The following CFAP74 variants were observed in gnomAD, a reference collection of about 807,000 sequenced individuals.
CFAP74 encodes the protein cilia and flagella associated protein 74.
A neutral mutation model predicts 188.9 loss-of-function variants in CFAP74; 124 were observed. The observed-to-expected ratio is 0.66, with a 90% CI of 0.57 to 0.76. The LOEUF (loss-of-function observed/expected upper bound fraction) is 0.76, where lower values mean the gene tolerates loss of function less well. Ranked by LOEUF, CFAP74 falls within the 30% of genes least tolerant of loss-of-function variation. The pLI, the probability that CFAP74 is intolerant of heterozygous loss-of-function variation, is 0.00. For synonymous variants in CFAP74, 956 were observed against 916.7 expected (o/e 1.04, Z -0.77); for missense variants, 2,198 against 2,165.2 (o/e 1.02, Z -0.30).
intron 25 of CFAP74, among the ~76,000 whole-genome samples, chr1:1,938,022 TCA>T (rs201067387): frequency 2.7e-5 from 4 of 150,708 alleles, no homozygotes; most frequent in South Asian, 2.1e-4. Context: ...GCACTCACAT[TCA>T]GTCACATGCT....
Position 1,968,870 on chromosome 1 carries a change from C to T in CFAP74, c.1047-37G>A. ...CGCTTCTCAGATGAGTGCAAGAGGTCCCCTGCCTCCACCTTGCCCCAGATG... is the reference window on the plus strand; with the variant it reads ...CGCTTCTCAGATGAGTGCAAGAGGTTCCCTGCCTCCACCTTGCCCCAGATG... On this transcript the variant is annotated intron_variant, in intron 10 of 38. Transcript: ENST00000682832. The surrounding 1 kb of genome is among the most constrained non-coding windows in gnomAD (Gnocchi z 4.3). 1 of 1,599,048 alleles carries T rather than the reference C, an allele frequency of 6.3e-7. No homozygotes were observed. The highest frequency in any genetic ancestry group is 8.5e-7 in the Non-Finnish European group (1 of 1,169,644).
rs549528262 is a variant in CFAP74, at chr1:1,971,776, C to T, written c.888+204G>A. Among the ~76,000 whole-genome samples the T allele has an allele frequency of 1.4e-3, 211 of 152,400 alleles. 1 individual carries two copies. The highest frequency in any genetic ancestry group is 2.5e-3 in the Non-Finnish European group (168 of 68,042). ...GCAGGGCTGGGGTGCCTGCTCCTGC[C>T]TGACTCCAGTGCCTGGCCCTGACCC... is the stretch of plus-strand genomic sequence containing the variant. On this transcript the variant is annotated intron_variant, in intron 9 of 38. Transcript: ENST00000682832.
chr1:1,927,347 G>A (rs979814214), intron 28 of CFAP74: 7 of 562,024 alleles, frequency 1.2e-5, no homozygotes, highest in Admixed American at 6.5e-5. Context: ...TTCTGCACCC[G>A]GGGGGCTGGG....
chr1:1,971,231 CTGCACACACA>C (rs1021475291), intron 9 of CFAP74, among the ~76,000 whole-genome samples: 2 of 149,930 alleles, frequency 1.3e-5, no homozygotes, highest in African/African-American at 2.5e-5. Context: ...GCGTGCACGC[CTGCACACACA>C]TGCACACACT....
intron 17 of CFAP74, 52 bp downstream of exon 17, chr1:1,956,568 G>T: frequency 6.2e-7 from 1 of 1,608,122 alleles, no homozygotes; most frequent in Non-Finnish European, 8.5e-7. Context: ...ACATGGGACT[G>T]GATTTGGGGG....
intron 21 of CFAP74, among the ~76,000 whole-genome samples, chr1:1,943,904 C>A (rs1653561176): frequency 6.6e-6 from 1 of 152,224 alleles, no homozygotes; most frequent in South Asian, 2.1e-4. Context: ...CTAGAAGCTG[C>A]AGTGTCCCCG....
intron 6 of CFAP74, among the ~76,000 whole-genome samples, chr1:1,980,611 T>C (rs1042585246): frequency 6.6e-6 from 1 of 152,210 alleles, no homozygotes; most frequent in African/African-American, 2.4e-5. Flanking sequence ...TGGGACCTGC[T>C]GGCCAGGAAA....
intron 25 of CFAP74, among the ~76,000 whole-genome samples, chr1:1,934,666 C>G (rs3121832): frequency 0.034 from 1,297 of 38,198 alleles, 194 homozygotes; most frequent in East Asian, 0.049. Context: ...TAGGTACACA[C>G]GTGTGTACGT....
chr1:1,981,343 G>A (rs1007369615), intron 6 of CFAP74, among the ~76,000 whole-genome samples: 1 of 152,152 alleles, frequency 6.6e-6, no homozygotes, highest in Non-Finnish European at 1.5e-5. Context: ...TGCCTCCAAC[G>A]GGACCCAGCG....
At chr1:1,987,910 A>G (rs1044070533) in intron 4 of CFAP74, 2 of 335,996 alleles carry the variant, frequency 6.0e-6, no homozygotes, top group Non-Finnish European at 1.2e-5. Context: ...CCCCGGGTGA[A>G]GTACCCAAGT....
At chr1:1,988,150 T>G (rs1480099725) in intron 4 of CFAP74, 1 of 487,954 alleles carries the variant, frequency 2.0e-6, no homozygotes, top group African/African-American at 2.0e-5. Context: ...TATTTAGGAG[T>G]GACGTATCAT....
chr1:1,960,576 G>C (rs1309697982), intron 14 of CFAP74, among the ~76,000 whole-genome samples: 2 of 152,228 alleles, frequency 1.3e-5, no homozygotes, highest in Non-Finnish European at 2.9e-5. Flanking sequence ...ATCAGGGTGA[G>C]GGAGCATCTC....
rs180764005 is a variant in CFAP74, at chr1:1,942,312, G to A, written c.2487-156C>T. ...GCCATGCACGTGCACCTCGACAATC[G>A]GAGTCCTCAAAGCCCTGCTTTGTAA... On this transcript the variant is annotated intron_variant, in intron 21 of 38. Coordinates refer to ENST00000682832, the MANE Select transcript of CFAP74 (RefSeq NM_001304360.2). The surrounding 1 kb of genome is among the most constrained non-coding windows in gnomAD (Gnocchi z 4.3). Among the ~76,000 whole-genome samples, 2 of 152,226 alleles carry A rather than the reference G, an allele frequency of 1.3e-5. No homozygotes were observed. Among genetic ancestry groups the A allele is most frequent in the Admixed American group, 6.5e-5 (1 of 15,288 alleles).
intron 8 of CFAP74, 41 bp from the exon 9 acceptor site, chr1:1,972,123 C>T: frequency 6.6e-7 from 1 of 1,505,186 alleles, no homozygotes. Flanking sequence ...CTCTGTCGCC[C>T]AGGCTGGTGT....
At chr1:1,935,363 C>G (rs972505935) in intron 25 of CFAP74, among the ~76,000 whole-genome samples, 1 of 86,124 alleles carries the variant, frequency 1.2e-5, no homozygotes, top group Non-Finnish European at 2.4e-5. Flanking sequence ...TAGGTACACA[C>G]GTGTGTATGT....
chr1:1,955,616 C>T lies in CFAP74; in HGVS notation c.2176+75G>A, dbSNP rs188111949. 4.1e-4 allele frequency: 666 copies of T among 1,612,876 alleles called. 4 individuals carry two copies. The African/African-American group carries it at 7.7e-3, about 19-fold the overall frequency. On this transcript the variant is annotated intron_variant, in intron 18 of 38. Transcript: ENST00000682832. The stretch of plus-strand genomic sequence containing the variant: ...CTACTTTCCAGCCCTCCCCTGGGCC[C>T]CTCAGCCCCCTGGAATGCTGCCCTG...
chr1:1,986,491 CT>C (rs1343060777), intron 5 of CFAP74, among the ~76,000 whole-genome samples: 1 of 152,202 alleles, frequency 6.6e-6, no homozygotes, highest in African/African-American at 2.4e-5. Flanking sequence ...CTGCAGGCAC[CT>C]GGTGCCCCCA....
At chr1:1,974,985 C>T (rs1330186107) in intron 6 of CFAP74, among the ~76,000 whole-genome samples, 1 of 152,212 alleles carries the variant, frequency 6.6e-6, no homozygotes, top group Non-Finnish European at 1.5e-5. Flanking sequence ...GCGAACGGTT[C>T]CACCCAGAGA....
At position 1,972,453 on chromosome 1, in the gene CFAP74, C is replaced by T. The variant is rs79954553; in HGVS notation, c.786-371G>A. On this transcript the variant is annotated intron_variant, in intron 8 of 38. Transcript: ENST00000682832. ...AGGCCACGAGGACATGGCGGGAACA[C>T]GCCCAGCGCATCTCAAGGGCCTCTT... Among the ~76,000 whole-genome samples the T allele has an allele frequency of 6.7e-3, 1,027 of 152,362 alleles. 23 individuals carry two copies. In the East Asian group the frequency reaches 0.086, roughly 13 times the overall value.
Sources: gnomAD v4.1 joint callset for allele counts (sites outside exome capture counted in the v4.1 genomes callset) on GRCh38, gnomAD v4.1.1 for gene constraint, Gnocchi (gnomAD v3.1) non-coding constraint, MANE v1.5 for transcripts, NCBI Gene and HGNC (gene_info 2026-07-23, HGNC 2026-07-21) for gene names.